PANK2: variants seen among roughly 807,000 people sequenced by gnomAD.
The protein encoded by PANK2 is pantothenate kinase 2.
In PANK2, 36 loss-of-function variants were observed where a neutral mutation model predicts 43.1. The observed-to-expected ratio is 0.84, with a 90% CI of 0.64 to 1.10. The LOEUF is 1.10. Among genes scored for constraint, PANK2 ranks in the 50% least tolerant of loss-of-function variants. PANK2 has a pLI of 0.00. For missense variants in PANK2, 576 were observed against 593.3 expected (o/e 0.97, Z 0.30); for synonymous variants, 281 against 238.2 (o/e 1.18, Z -1.66).
intron 1 of PANK2, among the ~76,000 whole-genome samples, chr20:3,899,250 C>T (rs1167204427): frequency 1.3e-5 from 2 of 150,862 alleles, no homozygotes; most frequent in Non-Finnish European, 2.9e-5. Flanking sequence ...AGGCTCACTG[C>T]AACCTCCACC....
At chr20:3,910,018 CT>C (rs1239818115) in intron 2 of PANK2, among the ~76,000 whole-genome samples, 1 of 152,184 alleles carries the variant, frequency 6.6e-6, no homozygotes, top group Non-Finnish European at 1.5e-5. Context: ...TAAAATTCCC[CT>C]CCCTCCCAAG....
chr20:3,911,259 A>G (rs2090464205), intron 3 of PANK2, among the ~76,000 whole-genome samples: 1 of 152,352 alleles, frequency 6.6e-6, no homozygotes, highest in South Asian at 2.1e-4. Flanking sequence ...TGTACTGATC[A>G]GTAGAAAAAT....
At chr20:3,911,142 G>T (rs538938090) in intron 3 of PANK2, among the ~76,000 whole-genome samples, 21 of 152,340 alleles carry the variant, frequency 1.4e-4, no homozygotes, top group Non-Finnish European at 2.2e-4. Flanking sequence ...GTAAGGAGAA[G>T]GCACGGGAAA....
At position 3,928,905 on chromosome 20, in the gene PANK2, C is replaced by T. The variant is rs2090774269; in HGVS notation, c.*5611C>T. The T allele has an allele frequency of 6.6e-6, 1 of 151,624 alleles. No individual in the cohort carries two copies. The highest frequency in any genetic ancestry group is 1.5e-5 in the Non-Finnish European group (1 of 67,936). The allele number at this position is 151,624 out of a possible 1,614,324, so 9.4% of individuals were successfully genotyped here. A position where few individuals can be genotyped will look rare whatever the true frequency, so the allele number is the denominator to read the frequency against. On this transcript the variant is annotated 3_prime_UTR_variant, in exon 7 of 7. Coordinates refer to ENST00000610179, the MANE Select transcript of PANK2 (RefSeq NM_001386393.1). ...TCGCTCTGTTGCCCAGGCTGGAGTG[C>T]AGTGGGGATCTTGGCTCACTGCAAC...
rs1224909842 is a variant in PANK2, at chr20:3,927,213, A to G, written c.*3919A>G. 1 of 152,192 alleles carries G rather than the reference A, an allele frequency of 6.6e-6. No homozygotes were observed. Among genetic ancestry groups the G allele is most frequent in the Non-Finnish European group, 1.5e-5 (1 of 68,062 alleles). 9.4% of individuals were successfully genotyped at this position (152,192 alleles called of 1,614,324 possible). On this transcript the variant is annotated 3_prime_UTR_variant, in exon 7 of 7. Coordinates refer to ENST00000610179, the MANE Select transcript of PANK2 (RefSeq NM_001386393.1). ...CACTCAGTACTAGTTACCAGCTCTGATAGAATTACTCACCTTGAGTTTCCA... is the reference window on the plus strand; with the variant it reads ...CACTCAGTACTAGTTACCAGCTCTGGTAGAATTACTCACCTTGAGTTTCCA...
At chr20:3,893,039 A>G (rs749858493) in intron 1 of PANK2, among the ~76,000 whole-genome samples, 2 of 152,194 alleles carry the variant, frequency 1.3e-5, no homozygotes, top group South Asian at 2.1e-4. Flanking sequence ...TAATGTAGCT[A>G]CCATTTTCTG....
At chr20:3,911,820 G>A (rs1251796738) in intron 3 of PANK2, among the ~76,000 whole-genome samples, 1 of 152,006 alleles carries the variant, frequency 6.6e-6, no homozygotes, top group Non-Finnish European at 1.5e-5. Context: ...GAACCAGGAG[G>A]CAAAGGTTGC....
rs6107371 is a variant in PANK2, at chr20:3,913,996, G to T, written c.1082+1362G>T. Among the ~76,000 whole-genome samples, 57 of 151,392 alleles carry T rather than the reference G, an allele frequency of 3.8e-4. 1 individual carries two copies. Among genetic ancestry groups the T allele is most frequent in the Admixed American group, 1.1e-3 (16 of 15,200 alleles). On this transcript the variant is annotated intron_variant, in intron 4 of 6. Coordinates refer to ENST00000610179, the MANE Select transcript of PANK2 (RefSeq NM_001386393.1). ...AGCAGAGATGGGGTTTCACTATGTTGGCCAGGATGGTCTCGATCTGCTGAC... is the reference window on the plus strand; with the variant it reads ...AGCAGAGATGGGGTTTCACTATGTTTGCCAGGATGGTCTCGATCTGCTGAC...
intron 6 of PANK2, chr20:3,921,345 C>T (rs1213048719): frequency 6.6e-6 from 1 of 152,090 alleles, no homozygotes; most frequent in Non-Finnish European, 1.5e-5. Flanking sequence ...GTCACTTTAA[C>T]TTTTGTTGTG....
In PANK2 at chr20:3,889,837, G is replaced by T. The variant is rs375072365; in HGVS notation, c.298+109G>T. 26 of 1,520,024 alleles carry T rather than the reference G, an allele frequency of 1.7e-5. 1 individual carries two copies. In the Middle Eastern group the frequency reaches 6.8e-4, roughly 40 times the overall value. The allele number at this position is 1,520,024 out of a possible 1,614,324, so 94.2% of individuals were successfully genotyped here. A position where few individuals can be genotyped will look rare whatever the true frequency, so the allele number is the denominator to read the frequency against. On this transcript the variant is annotated intron_variant, in intron 1 of 6. Transcript: ENST00000610179. ...TTTCCCGCGCGCGGACACTGTCCCCGCACGGTGGTCCCTCGTTGGTGCGTG... is the reference window on the plus strand; with the variant it reads ...TTTCCCGCGCGCGGACACTGTCCCCTCACGGTGGTCCCTCGTTGGTGCGTG...
intron 1 of PANK2, among the ~76,000 whole-genome samples, chr20:3,903,409 A>G (rs922579345): frequency 2.0e-5 from 3 of 149,600 alleles, no homozygotes; most frequent in Non-Finnish European, 4.4e-5. Flanking sequence ...TAGCCTCCCA[A>G]AGTGCTGGAA....
In PANK2 at chr20:3,925,464, C is replaced by G. The variant is rs1289713202; in HGVS notation, c.*2170C>G. 6.6e-6 allele frequency: 1 copy of G among 152,352 alleles called. No individual in the cohort carries two copies. Among genetic ancestry groups the G allele is most frequent in the Non-Finnish European group, 1.5e-5 (1 of 68,184 alleles). 9.4% of individuals were successfully genotyped at this position (152,352 alleles called of 1,614,324 possible). ...GGCCAGGCTGGTCTCGAACTCCAGA[C>G]CCCAGGTGATCCGCCTGCCTTGGCC... On this transcript the variant is annotated 3_prime_UTR_variant, in exon 7 of 7. Transcript: ENST00000610179.
chr20:3,910,899 G>A (rs763415955), intron 3 of PANK2, 69 bp downstream of exon 3: 268 of 1,561,694 alleles, frequency 1.7e-4, no homozygotes, highest in Non-Finnish European at 2.2e-4. Flanking sequence ...GGTATTACAT[G>A]TAACTACACC....
chr20:3,918,542 A>G (rs767201337), intron 5 of PANK2, 129 bp from the exon 6 acceptor site: 704 of 1,288,152 alleles, frequency 5.5e-4, no homozygotes, highest in Non-Finnish European at 7.0e-4. Flanking sequence ...CCCTGGACCA[A>G]CTGGACTAAA....
intron 1 of PANK2, among the ~76,000 whole-genome samples, chr20:3,905,912 C>T (rs1409320248): frequency 6.6e-6 from 1 of 151,606 alleles, no homozygotes; most frequent in Non-Finnish European, 1.5e-5. Context: ...ATGGGGGTTT[C>T]ACCATGTTGG....
chr20:3,908,562 G>A (rs1401747125), intron 2 of PANK2: 15 of 419,916 alleles, frequency 3.6e-5, no homozygotes, highest in Non-Finnish European at 6.6e-5. Context: ...CTACCTAAAA[G>A]GAACATCATT....
chr20:3,889,922 C>T (rs768053594), intron 1 of PANK2, 194 bp downstream of exon 1: 1 of 1,531,770 alleles, frequency 6.5e-7, no homozygotes, highest in South Asian at 1.2e-5. Context: ...GGGGCCCCCC[C>T]GCACCCATTG....
chr20:3,897,127 C>T lies in PANK2; in HGVS notation c.298+7399C>T, dbSNP rs566809877. On this transcript the variant is annotated intron_variant, in intron 1 of 6. Transcript: ENST00000610179. Reference sequence around the variant, plus strand: ...ATTGGTTACTTGCTTTGTGTGTGGGCTCACAGAAGTCTTCTGTGTTGATCG... The same window carrying T: ...ATTGGTTACTTGCTTTGTGTGTGGGTTCACAGAAGTCTTCTGTGTTGATCG... Among the ~76,000 whole-genome samples the T allele has an allele frequency of 4.6e-5, 7 of 152,274 alleles. No homozygotes were observed. In the South Asian group the frequency reaches 1.5e-3, roughly 32 times the overall value.
Position 3,909,612 on chromosome 20 carries a change from C to T in PANK2, c.652-965C>T, listed in dbSNP as rs557867534. Among the ~76,000 whole-genome samples, 7 of 152,214 alleles carry T rather than the reference C, an allele frequency of 4.6e-5. No individual in the cohort carries two copies. In the South Asian group the frequency reaches 8.3e-4, roughly 18 times the overall value. On this transcript the variant is annotated intron_variant, in intron 2 of 6. Transcript: ENST00000610179. The stretch of plus-strand genomic sequence containing the variant: ...TCTTCATTTTTGTTTTGTTTTGAGA[C>T]GGAGTCTCGCCCTGTCACCTAGGTT...
Sources: allele counts gnomAD v4.1 joint callset (sites outside exome capture counted in the v4.1 genomes callset), GRCh38; gene constraint gnomAD v4.1.1; transcripts MANE v1.5; gene names NCBI Gene and HGNC (gene_info 2026-07-23, HGNC 2026-07-21).